Variants in DGKD observed in about 807,000 individuals in gnomAD.
The protein encoded by DGKD is DAG kinase delta.
A neutral mutation model predicts 154.4 loss-of-function variants in DGKD; 68 were observed. That is an observed-to-expected ratio of 0.44 (90% CI 0.36 to 0.54). The LOEUF (loss-of-function observed/expected upper bound fraction) is 0.54. Ranked by LOEUF, DGKD falls within the 20% of genes least tolerant of loss-of-function variation. The pLI is 0.00. For missense variants in DGKD, 1,343 were observed against 1,593.6 expected (o/e 0.84, Z 2.68); for synonymous variants, 693 against 638.0 (o/e 1.09, Z -1.30).
Position 233,457,217 on chromosome 2 carries a change from T to C in DGKD, c.2473-4T>C, listed in dbSNP as rs767489813. 2.6e-6 allele frequency: 4 copies of C among 1,514,730 alleles called. No individual in the cohort carries two copies. Among genetic ancestry groups the C allele is most frequent in the Non-Finnish European group, 3.5e-6 (4 of 1,130,278 alleles). The allele number at this position is 1,514,730 out of a possible 1,614,324, so 93.8% of individuals were successfully genotyped here. On this transcript the variant is annotated splice_polypyrimidine_tract_variant and splice_region_variant and intron_variant, in intron 20 of 29. Coordinates refer to ENST00000264057, the MANE Select transcript of DGKD (RefSeq NM_152879.3). The surrounding 1 kb of genome is among the most constrained non-coding windows in gnomAD (Gnocchi z 5.5). ...TTCTTTTGTTCTGTGTCTCTGCTGC[T>C]CAGTGTGACGGGCGACCCATCCCAC...
At chr2:233,461,329 C>T (rs1026274176) in intron 24 of DGKD, among the ~76,000 whole-genome samples, 1 of 152,244 alleles carries the variant, frequency 6.6e-6, no homozygotes, top group Non-Finnish European at 1.5e-5. Flanking sequence ...CGGTTTTGTG[C>T]CCGGCATGCC....
intron 1 of DGKD, among the ~76,000 whole-genome samples, chr2:233,374,343 G>A (rs887492954): frequency 1.1e-4 from 17 of 147,988 alleles, no homozygotes; most frequent in African/African-American, 3.8e-4. Flanking sequence ...GAGCCACTGC[G>A]CCTGGCCTTG....
chr2:233,373,318 T>C (rs1186649747), intron 1 of DGKD, among the ~76,000 whole-genome samples: 2 of 152,234 alleles, frequency 1.3e-5, no homozygotes, highest in Non-Finnish European at 2.9e-5. Flanking sequence ...GGAAGTTTCT[T>C]ATGATATTGT....
intron 1 of DGKD, among the ~76,000 whole-genome samples, chr2:233,385,777 A>T (rs575212035): frequency 1.3e-5 from 2 of 152,366 alleles, no homozygotes; most frequent in East Asian, 3.9e-4. Flanking sequence ...AATATTCTGC[A>T]GCATATCTAT....
Position 233,438,451 on chromosome 2 carries a change from A to G in DGKD, c.1085+72A>G. On this transcript the variant is annotated intron_variant, in intron 9 of 29. Coordinates refer to ENST00000264057, the MANE Select transcript of DGKD (RefSeq NM_152879.3). The surrounding 1 kb of genome is among the most constrained non-coding windows in gnomAD (Gnocchi z 4.1). ...GTAGATAGTGTGTGCTTGTTAAAAA[A>G]AAAAAGTTCAAAGACACAAAGCTTT... 1 of 1,500,576 alleles carries G rather than the reference A, an allele frequency of 6.7e-7. No individual in the cohort carries two copies. The highest frequency in any genetic ancestry group is 1.3e-5 in the South Asian group (1 of 75,758). The allele number at this position is 1,500,576 out of a possible 1,614,324, so 93.0% of individuals were successfully genotyped here. A position where few individuals can be genotyped will look rare whatever the true frequency, so the allele number is the denominator to read the frequency against.
At chr2:233,374,406 C>G (rs1702470045) in intron 1 of DGKD, among the ~76,000 whole-genome samples, 1 of 152,182 alleles carries the variant, frequency 6.6e-6, no homozygotes, top group Non-Finnish European at 1.5e-5. Context: ...GCCATCATCA[C>G]TCACTGCAGC....
At chr2:233,444,270 C>T (rs1378851364) in intron 10 of DGKD, among the ~76,000 whole-genome samples, 2 of 152,170 alleles carry the variant, frequency 1.3e-5, no homozygotes, top group Non-Finnish European at 1.5e-5. Context: ...GTCTCTTCCT[C>T]CTGCCTGTTT....
chr2:233,424,477 G>A (rs949339635), intron 3 of DGKD, among the ~76,000 whole-genome samples: 18 of 152,234 alleles, frequency 1.2e-4, no homozygotes, highest in Non-Finnish European at 2.1e-4. Flanking sequence ...TGTTGGTATC[G>A]TCCTTGTGCT....
rs113928921 is a variant in DGKD, at chr2:233,388,610, A to G, written c.267+243A>G. On this transcript the variant is annotated intron_variant, in intron 2 of 29. Transcript: ENST00000264057. Reference sequence around the variant, plus strand: ...ATGTCATCGGTAATGGGGAAAAGGAAAAAAGGGTCACAGAGACAGCCGCGT... The same window carrying G: ...ATGTCATCGGTAATGGGGAAAAGGAGAAAAGGGTCACAGAGACAGCCGCGT... The G allele has an allele frequency of 7.6e-3, 2,736 of 362,016 alleles. 64 individuals are homozygous for G. The highest frequency in any genetic ancestry group is 0.051 in the African/African-American group (2,467 of 48,052). The allele number at this position is 362,016 out of a possible 1,614,324, so 22.4% of individuals were successfully genotyped here.
chr2:233,355,706 C>T (rs1469225635), intron 1 of DGKD, among the ~76,000 whole-genome samples: 1 of 152,204 alleles, frequency 6.6e-6, no homozygotes, highest in Non-Finnish European at 1.5e-5. Flanking sequence ...GTACCGAACA[C>T]CTGCTTTGTT....
At chr2:233,411,798 G>T (rs544348698) in intron 3 of DGKD, among the ~76,000 whole-genome samples, 1 of 152,054 alleles carries the variant, frequency 6.6e-6, no homozygotes, top group African/African-American at 2.4e-5. Context: ...TTTACAGTTG[G>T]GATTATTATT....
chr2:233,423,195 A>G (rs1266738874), intron 3 of DGKD, among the ~76,000 whole-genome samples: 1 of 152,230 alleles, frequency 6.6e-6, no homozygotes, highest in Non-Finnish European at 1.5e-5. Flanking sequence ...TTTGGTGATC[A>G]TGAATAAAGC....
rs538620003 is a variant in DGKD, at chr2:233,467,805, G to A, written c.3424+602G>A. Among the ~76,000 whole-genome samples the A allele has an allele frequency of 4.6e-5, 7 of 152,326 alleles. No individual in the cohort carries two copies. The South Asian group carries it at 1.2e-3, about 27-fold the overall frequency. On this transcript the variant is annotated intron_variant, in intron 28 of 29. Transcript: ENST00000264057. ...CTGGATATTGGGACTGGTGTTTGCC[G>A]CCAGTCAGGGCAGCTCCTGTGGGTT...
chr2:233,469,813 G>T lies in DGKD; in HGVS notation c.*353G>T, dbSNP rs915570043. ...TCCTGGGCACTGCTTGCCTGGCCTC[G>T]TGCTTGGATTGTCCCGGGGGCTCCT... is the stretch of plus-strand genomic sequence containing the variant. On this transcript the variant is annotated 3_prime_UTR_variant, in exon 30 of 30. Transcript: ENST00000264057. The T allele has an allele frequency of 4.1e-6, 1 of 246,220 alleles. No homozygotes were observed. The highest frequency in any genetic ancestry group is 7.9e-6 in the Non-Finnish European group (1 of 126,712). The allele number at this position is 246,220 out of a possible 1,614,324, so 15.3% of individuals were successfully genotyped here.
At chr2:233,357,851 A>G (rs570393806) in intron 1 of DGKD, among the ~76,000 whole-genome samples, 1 of 152,192 alleles carries the variant, frequency 6.6e-6, no homozygotes, top group Admixed American at 6.5e-5. Flanking sequence ...ATGCATTTCT[A>G]ACAAGCTCCC....
At chr2:233,454,607 T>G in intron 18 of DGKD, 156 bp from the exon 19 acceptor site, 1 of 600,446 alleles carries the variant, frequency 1.7e-6, no homozygotes, top group Non-Finnish European at 3.0e-6. Flanking sequence ...TTTAAATTGG[T>G]AAATTATCTA....
chr2:233,454,539 G>A (rs2063394239), intron 18 of DGKD: 21 of 530,876 alleles, frequency 4.0e-5, no homozygotes, highest in South Asian at 3.3e-4. Flanking sequence ...CTCTAAAATC[G>A]ATTATCTAGT....
rs551844496 is a variant in DGKD, at chr2:233,457,786, C to T, written c.2580+458C>T. 1 of 355,428 alleles carries T rather than the reference C, an allele frequency of 2.8e-6. No individual in the cohort carries two copies. The highest frequency in any genetic ancestry group is 5.6e-6 in the Non-Finnish European group (1 of 180,172). 22.0% of individuals were successfully genotyped at this position (355,428 alleles called of 1,614,324 possible). A position where few individuals can be genotyped will look rare whatever the true frequency, so the allele number is the denominator to read the frequency against. ...AGTGGGCAGCAGGGGCGTGGAGAGA[C>T]AGGAGAGGGCTGCAGGGCCTGGGTC... On this transcript the variant is annotated intron_variant, in intron 21 of 29. Coordinates refer to ENST00000264057, the MANE Select transcript of DGKD (RefSeq NM_152879.3). The surrounding 1 kb of genome is among the most constrained non-coding windows in gnomAD (Gnocchi z 5.5).
chr2:233,409,317 A>G (rs141381178), intron 3 of DGKD, among the ~76,000 whole-genome samples: 3 of 152,376 alleles, frequency 2.0e-5, no homozygotes, highest in African/African-American at 7.2e-5. Context: ...TGGATAGTTG[A>G]GAGACTGTCA....
Sources: allele counts gnomAD v4.1 joint callset (sites outside exome capture counted in the v4.1 genomes callset), GRCh38; gene constraint gnomAD v4.1.1; non-coding constraint Gnocchi (gnomAD v3.1); transcripts MANE v1.5; gene names NCBI Gene and HGNC (gene_info 2026-07-23, HGNC 2026-07-21).